Variants in FSTL5 observed in about 807,000 individuals in gnomAD.
FSTL5 encodes the protein follistatin like 5.
A neutral mutation model predicts 89.1 loss-of-function variants in FSTL5; 62 were observed. The ratio of observed to expected loss-of-function variants is 0.70; its 90% CI spans 0.57 to 0.86. The LOEUF (loss-of-function observed/expected upper bound fraction) is 0.86, where lower values mean the gene tolerates loss of function less well. Among genes scored for constraint, FSTL5 ranks in the 40% least tolerant of loss-of-function variants. FSTL5 has a pLI of 0.00. For synonymous variants in FSTL5, 383 were observed against 346.2 expected (o/e 1.11, Z -1.18); for missense variants, 1,057 against 1,001.6 (o/e 1.06, Z -0.75).
chr4:161,855,385 G>C (rs1013375397), intron 4 of FSTL5, among the ~76,000 whole-genome samples: 3 of 151,982 alleles, frequency 2.0e-5, no homozygotes, highest in Non-Finnish European at 4.4e-5. Context: ...CTTCTCCTTT[G>C]AGCATAAAAC....
chr4:161,599,506 A>G lies in FSTL5; in HGVS notation c.895-11931T>C, dbSNP rs536490750. Among the ~76,000 whole-genome samples, 63 of 152,312 alleles carry G rather than the reference A, an allele frequency of 4.1e-4. 1 individual carries two copies. In the East Asian group the frequency reaches 0.012, roughly 29 times the overall value. On this transcript the variant is annotated intron_variant, in intron 7 of 15. Coordinates refer to ENST00000306100, the MANE Select transcript of FSTL5 (RefSeq NM_020116.5). Reference sequence around the variant, plus strand: ...CTGGAAATAACACCAAGTACAACAGATTAATCACACAACACAATCATGGTG... The same window carrying G: ...CTGGAAATAACACCAAGTACAACAGGTTAATCACACAACACAATCATGGTG...
chr4:161,828,946 G>C (rs1248447287), intron 4 of FSTL5, among the ~76,000 whole-genome samples: 1 of 151,700 alleles, frequency 6.6e-6, no homozygotes, highest in Non-Finnish European at 1.5e-5. Flanking sequence ...TTTTTCCAAG[G>C]CTATGGTAGT....
intron 15 of FSTL5, among the ~76,000 whole-genome samples, chr4:161,396,972 A>G (rs1560874532): frequency 6.6e-6 from 1 of 152,064 alleles, no homozygotes. Flanking sequence ...AACTCTCTTT[A>G]CTCTCTTCTA....
At chr4:161,392,083 T>TA (rs1730840182) in intron 15 of FSTL5, among the ~76,000 whole-genome samples, 1 of 152,200 alleles carries the variant, frequency 6.6e-6, no homozygotes, top group African/African-American at 2.4e-5. Context: ...CTAATTGTTC[T>TA]AGGCAAAATC....
chr4:161,602,940 G>T (rs1734299551), intron 7 of FSTL5, among the ~76,000 whole-genome samples: 1 of 152,130 alleles, frequency 6.6e-6, no homozygotes, highest in African/African-American at 2.4e-5. Flanking sequence ...TGTAATACCA[G>T]AAAGAAAGCT....
chr4:162,094,379 A>T (rs1485785223), intron 2 of FSTL5, among the ~76,000 whole-genome samples: 1 of 152,186 alleles, frequency 6.6e-6, no homozygotes, highest in Non-Finnish European at 1.5e-5. Flanking sequence ...AGGACCTAAA[A>T]TTATATTCCA....
chr4:161,619,571 C>A (rs747905876), intron 7 of FSTL5, among the ~76,000 whole-genome samples: 14 of 152,094 alleles, frequency 9.2e-5, no homozygotes, highest in Non-Finnish European at 1.0e-4. Context: ...ATTTATGCAG[C>A]CAAAAAACAT....
chr4:161,622,259 C>T (rs1236280853), intron 7 of FSTL5, among the ~76,000 whole-genome samples: 1 of 152,030 alleles, frequency 6.6e-6, no homozygotes, highest in East Asian at 1.9e-4. Context: ...AATCTTTCCC[C>T]ACAAAAATTT....
chr4:161,496,684 G>A (rs1730084976), intron 12 of FSTL5, among the ~76,000 whole-genome samples: 1 of 152,052 alleles, frequency 6.6e-6, no homozygotes, highest in African/African-American at 2.4e-5. Flanking sequence ...ATTTCCTGCT[G>A]CCTGGCAAAC....
At chr4:161,653,197 C>G (rs567704347) in intron 7 of FSTL5, among the ~76,000 whole-genome samples, 1 of 152,152 alleles carries the variant, frequency 6.6e-6, no homozygotes, top group Non-Finnish European at 1.5e-5. Context: ...CAGAGTATCA[C>G]GCCTGGGGTC....
At chr4:161,995,756 A>C (rs1471534975) in intron 3 of FSTL5, among the ~76,000 whole-genome samples, 1 of 151,704 alleles carries the variant, frequency 6.6e-6, no homozygotes, top group Non-Finnish European at 1.5e-5. Flanking sequence ...GTGTCTATTA[A>C]CATGTAATGA....
intron 1 of FSTL5, among the ~76,000 whole-genome samples, chr4:162,143,923 AC>A (rs1732863545): frequency 6.6e-6 from 1 of 152,144 alleles, no homozygotes; most frequent in East Asian, 1.9e-4. Context: ...TAACAGAAGT[AC>A]AAACATTATT....
intron 3 of FSTL5, among the ~76,000 whole-genome samples, chr4:162,013,732 G>T (rs1578947172): frequency 6.6e-6 from 1 of 151,346 alleles, no homozygotes; most frequent in South Asian, 2.1e-4. Flanking sequence ...TTTTTTAAGG[G>T]TTTAGATTAA....
chr4:161,662,173 G>T (rs894123068), intron 6 of FSTL5, among the ~76,000 whole-genome samples: 1 of 152,120 alleles, frequency 6.6e-6, no homozygotes, highest in African/African-American at 2.4e-5. Flanking sequence ...ACTGCAGCAC[G>T]CTGTTACCTA....
chr4:161,724,836 CAA>C (rs1739337853), intron 6 of FSTL5, among the ~76,000 whole-genome samples: 1 of 152,124 alleles, frequency 6.6e-6, no homozygotes, highest in African/African-American at 2.4e-5. Context: ...ATGCAAAAAT[CAA>C]GATATAAACC....
intron 7 of FSTL5, among the ~76,000 whole-genome samples, chr4:161,641,509 G>GT (rs985255499): frequency 7.5e-5 from 11 of 146,760 alleles, no homozygotes; most frequent in African/African-American, 2.5e-4. Flanking sequence ...GTTTTGTTTT[G>GT]TTTTTTTTTT....
chr4:161,736,347 A>C (rs1739818424), intron 6 of FSTL5, among the ~76,000 whole-genome samples: 1 of 152,102 alleles, frequency 6.6e-6, no homozygotes, highest in South Asian at 2.1e-4. Context: ...TTATTACATA[A>C]ATTTACTCTA....
chr4:161,641,271 T>A (rs920066668), intron 7 of FSTL5, among the ~76,000 whole-genome samples: 1 of 152,212 alleles, frequency 6.6e-6, no homozygotes, highest in Non-Finnish European at 1.5e-5. Context: ...TTCTACATGA[T>A]AAAAGCTCAA....
At chr4:161,411,900 C>T (rs1316001479) in intron 15 of FSTL5, among the ~76,000 whole-genome samples, 1 of 152,184 alleles carries the variant, frequency 6.6e-6, no homozygotes, top group Non-Finnish European at 1.5e-5. Flanking sequence ...ATAATTCAAA[C>T]TATCTCTCTT....
Sources: allele counts gnomAD v4.1 joint callset (sites outside exome capture counted in the v4.1 genomes callset), GRCh38; gene constraint gnomAD v4.1.1; transcripts MANE v1.5; gene names NCBI Gene and HGNC (gene_info 2026-07-23, HGNC 2026-07-21).